RELN: variants seen among roughly 807,000 people sequenced by gnomAD.
RELN encodes reelin.
In RELN, 108 loss-of-function variants were observed where a neutral mutation model predicts 427.6. The observed-to-expected ratio is 0.25, with a 90% CI of 0.22 to 0.30. The LOEUF (loss-of-function observed/expected upper bound fraction) is 0.30, where lower values mean the gene tolerates loss of function less well. Among genes scored for constraint, RELN ranks in the 10% least tolerant of loss-of-function variants. The pLI is 1.00. For missense variants in RELN, 3,715 were observed against 4,302.8 expected (o/e 0.86, Z 3.82); for synonymous variants, 1,524 against 1,513.4 (o/e 1.01, Z -0.16).
intron 2 of RELN, among the ~76,000 whole-genome samples, chr7:103,893,408 C>G (rs1166134479): frequency 6.6e-6 from 1 of 152,090 alleles, no homozygotes; most frequent in Non-Finnish European, 1.5e-5. Flanking sequence ...TAGAAAAACA[C>G]AAAACTGCAT....
intron 1 of RELN, among the ~76,000 whole-genome samples, chr7:103,967,531 C>T (rs1160178633): frequency 1.3e-5 from 2 of 152,284 alleles, no homozygotes; most frequent in Non-Finnish European, 2.9e-5. Flanking sequence ...CAGCTTGAAA[C>T]TGCAAACAGG....
intron 2 of RELN, among the ~76,000 whole-genome samples, chr7:103,835,031 A>C (rs1479520008): frequency 2.6e-5 from 4 of 152,240 alleles, no homozygotes; most frequent in Non-Finnish European, 5.9e-5. Flanking sequence ...CATAATTGCC[A>C]AAAGTTGGAA....
At chr7:103,813,078 C>G (rs1012480658) in intron 3 of RELN, among the ~76,000 whole-genome samples, 1 of 152,170 alleles carries the variant, frequency 6.6e-6, no homozygotes, top group Non-Finnish European at 1.5e-5. Flanking sequence ...TTAACTTGCT[C>G]TTTTCCCTCT....
At chr7:103,789,061 A>G (rs901992810) in intron 3 of RELN, among the ~76,000 whole-genome samples, 4 of 152,198 alleles carry the variant, frequency 2.6e-5, no homozygotes, top group Admixed American at 2.6e-4. Context: ...CTGATCTTTG[A>G]CAAACCTGAC....
intron 6 of RELN, among the ~76,000 whole-genome samples, chr7:103,731,130 G>A (rs754083054): frequency 3.1e-4 from 47 of 152,172 alleles, no homozygotes; most frequent in South Asian, 6.2e-4. Flanking sequence ...CTCATAACAG[G>A]AGCATACACT....
chr7:103,500,603 A>AT, intron 53 of RELN, 142 bp downstream of exon 53: 1 of 744,446 alleles, frequency 1.3e-6, no homozygotes, highest in Non-Finnish European at 2.2e-6. Context: ...AACATAAGAC[A>AT]TTTTTAAAGT....
intron 3 of RELN, among the ~76,000 whole-genome samples, chr7:103,815,527 T>C (rs1043084946): frequency 1.3e-5 from 2 of 152,224 alleles, no homozygotes; most frequent in East Asian, 3.8e-4. Context: ...AACACTTGAT[T>C]TGCCAGTGAT....
chr7:103,487,271 G>C (rs1828474547), intron 60 of RELN, among the ~76,000 whole-genome samples: 1 of 151,970 alleles, frequency 6.6e-6, no homozygotes, highest in Non-Finnish European at 1.5e-5. Flanking sequence ...AGGGGGCAAG[G>C]GGAGGAATAG....
intron 1 of RELN, among the ~76,000 whole-genome samples, chr7:103,946,264 C>T (rs1175855530): frequency 6.6e-6 from 1 of 152,132 alleles, no homozygotes; most frequent in East Asian, 1.9e-4. Flanking sequence ...ATTATTATTA[C>T]TCACTTATTA....
At position 103,631,850 on chromosome 7, in the gene RELN, CA is replaced by C. The variant is rs1832475395; in HGVS notation, c.2466-1675del. 3.3e-5 allele frequency among the ~76,000 whole-genome samples: 5 copies of C among 151,868 alleles called. No individual in the cohort carries two copies. In the South Asian group the frequency reaches 1.0e-3, roughly 32 times the overall value. ...TAAACTGGTTTAACAATGAAGATATCAGTCATGGATTTAATAATTTGTTTAG... is the reference window on the plus strand; with the variant it reads ...TAAACTGGTTTAACAATGAAGATATCGTCATGGATTTAATAATTTGTTTAG... On this transcript the variant is annotated intron_variant, in intron 19 of 64. Transcript: ENST00000428762.
Position 103,749,417 on chromosome 7 carries a change from G to T in RELN, c.656+9C>A. ...GCAAACCAAAGTGAGGAATGTTCCT[G>T]TAACTTACCATATATTTGGATTTAA... On this transcript the variant is annotated intron_variant, in intron 6 of 64. Transcript: ENST00000428762. 1.2e-6 allele frequency: 2 copies of T among 1,606,714 alleles called. No individual in the cohort carries two copies. Among genetic ancestry groups the T allele is most frequent in the South Asian group, 1.1e-5 (1 of 90,900 alleles).
chr7:103,832,829 G>A (rs1239327111), intron 3 of RELN, among the ~76,000 whole-genome samples: 1 of 152,072 alleles, frequency 6.6e-6, no homozygotes, highest in Admixed American at 6.6e-5. Flanking sequence ...CCCATTTTCT[G>A]CTTGGCACTA....
At chr7:103,673,801 G>T (rs916210614) in intron 11 of RELN, among the ~76,000 whole-genome samples, 1 of 152,086 alleles carries the variant, frequency 6.6e-6, no homozygotes, top group Non-Finnish European at 1.5e-5. Flanking sequence ...CTTACCTAGA[G>T]GGTTTAGAAT....
intron 64 of RELN, among the ~76,000 whole-genome samples, chr7:103,476,280 A>AGT (rs1470188735): frequency 2.0e-5 from 3 of 152,012 alleles, no homozygotes; most frequent in Non-Finnish European, 4.4e-5. Context: ...CAGCTAACAG[A>AGT]GTGAAACCCC....
intron 1 of RELN, among the ~76,000 whole-genome samples, chr7:103,939,653 A>T (rs1796067073): frequency 6.6e-6 from 1 of 152,220 alleles, no homozygotes; most frequent in Admixed American, 6.5e-5. Flanking sequence ...ATCCTAAGGA[A>T]ATAAACACAC....
chr7:103,872,423 A>T (rs1229741806), intron 2 of RELN, among the ~76,000 whole-genome samples: 1 of 137,538 alleles, frequency 7.3e-6, no homozygotes, highest in Non-Finnish European at 1.6e-5. Context: ...ATAGTATTCC[A>T]TGGTGTATAT....
chr7:103,989,356 T>TGCCGCCTCC lies in RELN; in HGVS notation c.-1_1insGGAGGCGGC, dbSNP rs1797175860. 1 of 1,282,342 alleles carries TGCCGCCTCC rather than the reference T, an allele frequency of 7.8e-7. No homozygotes were observed. The highest frequency in any genetic ancestry group is 1.6e-5 in the African/African-American group (1 of 62,430). 79.4% of individuals were successfully genotyped at this position (1,282,342 alleles called of 1,614,324 possible). On this transcript the variant is annotated 5_prime_UTR_variant, in exon 1 of 65. Transcript: ENST00000428762. This position sits in a 1 kb window ranked among gnomAD's most constrained non-coding sequence, Gnocchi z 4.9. Reference sequence around the variant, plus strand: ...TGCCGGGCCCAGCCACTGCGCTCCATGCCGCCGCCGCCGCCGCCGCCGCCG... The same window carrying TGCCGCCTCC: ...TGCCGGGCCCAGCCACTGCGCTCCATGCCGCCTCCGCCGCCGCCGCCGCCGCCGCCGCCG...
intron 6 of RELN, among the ~76,000 whole-genome samples, chr7:103,735,497 G>A (rs1269607513): frequency 6.6e-6 from 1 of 152,152 alleles, no homozygotes; most frequent in African/African-American, 2.4e-5. Context: ...CTCTCAGGAT[G>A]CAGGAAAGAG....
At chr7:103,879,607 C>A (rs568417502) in intron 2 of RELN, among the ~76,000 whole-genome samples, 1 of 152,194 alleles carries the variant, frequency 6.6e-6, no homozygotes. Context: ...ATAGATCTGA[C>A]AGGTGTCTCC....
Sources: allele counts gnomAD v4.1 joint callset (sites outside exome capture counted in the v4.1 genomes callset), GRCh38; gene constraint gnomAD v4.1.1; non-coding constraint Gnocchi (gnomAD v3.1); transcripts MANE v1.5; gene names NCBI Gene and HGNC (gene_info 2026-07-23, HGNC 2026-07-21).